Variants in PIWIL4 observed in about 807,000 individuals in gnomAD.
PIWIL4 encodes piwi like RNA-mediated gene silencing 4.
In PIWIL4, 50 loss-of-function variants were observed where a neutral mutation model predicts 100.9. The ratio of observed to expected loss-of-function variants is 0.50; its 90% CI spans 0.39 to 0.63. The LOEUF is 0.63. PIWIL4 is among the 20% of genes least tolerant of loss of function. The pLI, the probability that PIWIL4 is intolerant of heterozygous loss-of-function variation, is 0.00. For synonymous variants in PIWIL4, 342 were observed against 367.5 expected (o/e 0.93, Z 0.79); for missense variants, 887 against 1,043.3 (o/e 0.85, Z 2.06).
intron 10 of PIWIL4, among the ~76,000 whole-genome samples, chr11:94,596,938 G>A (rs975558359): frequency 1.8e-4 from 27 of 152,212 alleles, no homozygotes; most frequent in Non-Finnish European, 3.2e-4. Flanking sequence ...AATTGGTAGA[G>A]CTTTAATAGG....
chr11:94,606,150 G>A lies in PIWIL4; in HGVS notation c.1639-1289G>A, dbSNP rs547676708. ...TGTTGCATGGCTCCTGTTATTCCCCGCATACCTGCTTACTTGTCCAGCCCC... is the reference window on the plus strand; with the variant it reads ...TGTTGCATGGCTCCTGTTATTCCCCACATACCTGCTTACTTGTCCAGCCCC... On this transcript the variant is annotated intron_variant, in intron 13 of 19. Transcript: ENST00000299001. 6.0e-4 allele frequency among the ~76,000 whole-genome samples: 92 copies of A among 152,120 alleles called. No homozygotes were observed. The South Asian group carries it at 0.012, about 20-fold the overall frequency.
rs114896849 is a variant in PIWIL4 at position 94,607,585 on chromosome 11, C to A, written c.1785C>A (p.Ile595=). ...TGATGATGAGTATCGCCACCAAGAT[C>A]GCTATGCAGATGACTTGCAAGCTCG... The part of the protein sequence containing the change: ...QGMMMSIATK[I]AMQMTCKLGG... The change falls in exon 14 of 20, where the codon ATC becomes ATA. Residue 595 remains isoleucine (I), a synonymous_variant. Coordinates refer to ENST00000299001, the MANE Select transcript of PIWIL4 (RefSeq NM_152431.3). 33 of 1,614,092 alleles carry A rather than the reference C, an allele frequency of 2.0e-5. No individual in the cohort carries two copies. Among genetic ancestry groups the A allele is most frequent in the Non-Finnish European group, 2.8e-5 (33 of 1,180,010 alleles).
In PIWIL4 at chr11:94,568,782, T is replaced by G. The variant is rs1555029017; in HGVS notation, c.140T>G (p.Leu47Trp). The G allele has an allele frequency of 6.2e-7, 1 of 1,608,858 alleles. No homozygotes were observed. The highest frequency in any genetic ancestry group is 8.5e-7 in the Non-Finnish European group (1 of 1,175,230). ...NNEASSSNGF[L>W]GTSRISTNDK... ...GAAGCATCCTCTAGCAATGGCTTCT[T>G]GGGAACAAGCAGGATCTCAACCAAC... Residue 47 changes from leucine (L) to tryptophan (W), a missense_variant, in exon 2 of 20, where the codon TTG becomes TGG. Leu to Trp is a moderately conservative substitution (Grantham distance 61). Around this residue, in one of 2 missense-constraint regions of PIWIL4, gnomAD observed 146 missense variants for 113.4 expected, o/e 1.29. Transcript: ENST00000299001.
At position 94,621,053 on chromosome 11, in the gene PIWIL4, CA is replaced by C; in HGVS notation, c.*64del. ...CAAGAAGAAATTGGTATACTTTGTG[CA>C]AATCTGCCATAAGCTCAAGGCTGTG... On this transcript the variant is annotated 3_prime_UTR_variant, in exon 20 of 20. Transcript: ENST00000299001. The C allele has an allele frequency of 8.2e-7, 1 of 1,217,100 alleles. No individual in the cohort carries two copies. The highest frequency in any genetic ancestry group is 1.2e-6 in the Non-Finnish European group (1 of 828,386). The allele number at this position is 1,217,100 out of a possible 1,614,324, so 75.4% of individuals were successfully genotyped here. A position where few individuals can be genotyped will look rare whatever the true frequency, so the allele number is the denominator to read the frequency against.
At chr11:94,608,553 C>T (rs1948750724) in intron 14 of PIWIL4, 30 bp from the exon 15 acceptor site, 2 of 1,563,816 alleles carry the variant, frequency 1.3e-6, no homozygotes, top group African/African-American at 1.4e-5. Context: ...TACCTCATCC[C>T]ATTAAATCAT....
chr11:94,576,894 T>A (rs955795006), intron 3 of PIWIL4, among the ~76,000 whole-genome samples: 2 of 152,226 alleles, frequency 1.3e-5, no homozygotes, highest in Non-Finnish European at 2.9e-5. Flanking sequence ...ACCAGACTGT[T>A]TCTTTATGAG....
chr11:94,616,387 C>T (rs1948846763), intron 15 of PIWIL4, 106 bp from the exon 16 acceptor site: 2 of 1,002,950 alleles, frequency 2.0e-6, no homozygotes, highest in South Asian at 3.1e-5. Context: ...AAATTGCGAA[C>T]ATTGATTTTT....
chr11:94,611,822 A>T (rs1161379785), intron 15 of PIWIL4, among the ~76,000 whole-genome samples: 1 of 152,224 alleles, frequency 6.6e-6, no homozygotes, highest in Non-Finnish European at 1.5e-5. Context: ...CCAGAAGCAG[A>T]TGCTGGCACT....
At chr11:94,575,781 C>T (rs1475974305) in intron 3 of PIWIL4, among the ~76,000 whole-genome samples, 2 of 152,196 alleles carry the variant, frequency 1.3e-5, no homozygotes, top group Non-Finnish European at 2.9e-5. Flanking sequence ...ATTCACCTCA[C>T]CTGATTTCAT....
rs781730867 is a variant in PIWIL4 at position 94,620,948 on chromosome 11, A to C, written c.2515A>C (p.Lys839Gln). 33 of 1,613,754 alleles carry C rather than the reference A, an allele frequency of 2.0e-5. 1 individual carries two copies. The South Asian group carries it at 3.3e-4, about 16-fold the overall frequency. The change falls in exon 20 of 20, where the codon AAA becomes CAA. Residue 839 changes from lysine to glutamine, a missense_variant. Transcript: ENST00000299001. ...LTFLVAQSIH[K>Q]EPSLELANHL... ...CTTTCTGGTGGCACAAAGCATTCAT[A>C]AAGAACCCAGTCTGGAATTAGCCAA...
chr11:94,567,762 G>C, intron 1 of PIWIL4, 157 bp downstream of exon 1: 1 of 1,260,272 alleles, frequency 7.9e-7, no homozygotes, highest in Non-Finnish European at 1.0e-6. Context: ...TCTTCTAACA[G>C]TTTTCTCCTT....
rs1204918049 is a variant in PIWIL4 at position 94,568,115 on chromosome 11, A to C, written c.87+510A>C. ...GCAACTTTGGGGTGATGTTATTAAT[A>C]CAACTACATATTCTTAGCATTTGGA... On this transcript the variant is annotated intron_variant, in intron 1 of 19. Coordinates refer to ENST00000299001, the MANE Select transcript of PIWIL4 (RefSeq NM_152431.3). Among the ~76,000 whole-genome samples the C allele has an allele frequency of 5.9e-5, 9 of 151,964 alleles. No individual in the cohort carries two copies. The East Asian group carries it at 1.7e-3, about 29-fold the overall frequency.
In PIWIL4 at chr11:94,620,826, T is replaced by C. The variant is rs772560638; in HGVS notation, c.2443-50T>C. 5 of 1,405,794 alleles carry C rather than the reference T, an allele frequency of 3.6e-6. No individual in the cohort carries two copies. In the Admixed American group the frequency reaches 5.2e-5, roughly 15 times the overall value. 87.1% of individuals were successfully genotyped at this position (1,405,794 alleles called of 1,614,324 possible). On this transcript the variant is annotated intron_variant, in intron 19 of 19. Coordinates refer to ENST00000299001, the MANE Select transcript of PIWIL4 (RefSeq NM_152431.3). ...AAAGTAAAATCAGAAAAAATCTCTT[T>C]GAAGAACAAGGTAATCTCTTAATTA...
chr11:94,619,199 C>T (rs185699286), intron 17 of PIWIL4, among the ~76,000 whole-genome samples: 86 of 152,268 alleles, frequency 5.6e-4, no homozygotes, highest in African/African-American at 2.0e-3. Flanking sequence ...TTTGTAATGA[C>T]AGATATTAGG....
chr11:94,581,304 G>A (rs1389512882), intron 4 of PIWIL4, among the ~76,000 whole-genome samples: 1 of 152,140 alleles, frequency 6.6e-6, no homozygotes, highest in East Asian at 1.9e-4. Context: ...CTTGATGAAA[G>A]GCAAGAATAT....
chr11:94,573,561 CT>C (rs1366606632), intron 2 of PIWIL4, among the ~76,000 whole-genome samples: 3 of 151,974 alleles, frequency 2.0e-5, no homozygotes, highest in Non-Finnish European at 4.4e-5. Flanking sequence ...TGGTTTTTGC[CT>C]TTGGTTCTGT....
chr11:94,567,557 C>T lies in PIWIL4; in HGVS notation c.39C>T (p.Ala13=), dbSNP rs781138817. The change falls in exon 1 of 20, where the codon GCC becomes GCT. Residue 13 remains alanine (A), a synonymous_variant. Coordinates refer to ENST00000299001, the MANE Select transcript of PIWIL4 (RefSeq NM_152431.3). The part of the protein sequence containing the change: ...GRARVKARGI[A]RSPSATEVGR... ...CCCGAGTGAAGGCCAGAGGCATCGC[C>T]CGCAGCCCCAGTGCCACAGAAGTGG... The T allele has an allele frequency of 1.4e-5, 23 of 1,606,846 alleles. No homozygotes were observed. The highest frequency in any genetic ancestry group is 8.4e-5 in the Admixed American group (5 of 59,400).
At chr11:94,582,577 A>G (rs759455791) in intron 4 of PIWIL4, among the ~76,000 whole-genome samples, 5 of 152,190 alleles carry the variant, frequency 3.3e-5, no homozygotes, top group Non-Finnish European at 5.9e-5. Flanking sequence ...TGAAAAATCC[A>G]TGATCATTGA....
intron 1 of PIWIL4, among the ~76,000 whole-genome samples, chr11:94,568,113 A>G (rs1348933227): frequency 6.6e-6 from 1 of 151,742 alleles, no homozygotes; most frequent in Non-Finnish European, 1.5e-5. Context: ...GATGTTATTA[A>G]TACAACTACA....
Sources: allele counts gnomAD v4.1 joint callset (sites outside exome capture counted in the v4.1 genomes callset), GRCh38; gene constraint gnomAD v4.1.1; regional missense constraint gnomAD v4.1.1; transcripts MANE v1.5; gene names NCBI Gene and HGNC (gene_info 2026-07-23, HGNC 2026-07-21).